Variants in MEGF6 observed in about 807,000 individuals in gnomAD.
The protein encoded by MEGF6 is multiple epidermal growth factor-like domains protein 6.
Under a neutral mutation model 207.1 loss-of-function variants are expected in MEGF6, and 184 were observed. That is an observed-to-expected ratio of 0.89 (90% CI 0.79 to 1.00). The LOEUF is 1.00. Ranked by LOEUF, MEGF6 falls within the 50% of genes least tolerant of loss-of-function variation. The pLI is 0.00. For synonymous variants in MEGF6, 1,038 were observed against 910.0 expected (o/e 1.14, Z -2.53); for missense variants, 2,282 against 2,202.9 (o/e 1.04, Z -0.72).
At chr1:3,503,203 G>A (rs572593406) in intron 17 of MEGF6, among the ~76,000 whole-genome samples, 1 of 152,290 alleles carries the variant, frequency 6.6e-6, no homozygotes, top group East Asian at 1.9e-4. Flanking sequence ...CCCGCCCATA[G>A]GGACACAGGC....
chr1:3,609,846 G>A lies in MEGF6; in HGVS notation c.131+1292C>T, dbSNP rs117343230. On this transcript the variant is annotated intron_variant, in intron 1 of 36. Coordinates refer to ENST00000356575, the MANE Select transcript of MEGF6 (RefSeq NM_001409.4). ...TTTCCACAGTGCACTGGTGGCAGAG[G>A]CCCCTCGCAAGAGCAGGGACATCCG... 1.8e-4 allele frequency among the ~76,000 whole-genome samples: 28 copies of A among 152,306 alleles called. No homozygotes were observed. In the East Asian group the frequency reaches 4.8e-3, roughly 26 times the overall value.
intron 4 of MEGF6, chr1:3,531,011 G>T (rs777593769): frequency 6.0e-5 from 85 of 1,419,382 alleles, no homozygotes; most frequent in Non-Finnish European, 7.1e-5. Flanking sequence ...TTAAAAACAG[G>T]AAACAAAGGG....
intron 4 of MEGF6, among the ~76,000 whole-genome samples, chr1:3,537,823 C>A (rs1247584602): frequency 6.6e-6 from 1 of 152,198 alleles, no homozygotes; most frequent in Non-Finnish European, 1.5e-5. Flanking sequence ...GTGTCCCCCG[C>A]AAAAGTGCTG....
rs762307115 is a variant in MEGF6 at position 3,501,825 on chromosome 1, G to C, written c.2285C>G (p.Pro762Arg). ...HGVTGQCRCP[P>R]GRTGEDCEAD... ...CTCACAGTCTTCCCCAGTCCTCCCC[G>C]GCGGACACCGGCACTGCCCCGTGAC... Residue 762 changes from proline to arginine, a missense_variant, in exon 18 of 37, where the codon CCG becomes CGG. Coordinates refer to ENST00000356575, the MANE Select transcript of MEGF6 (RefSeq NM_001409.4). The C allele has an allele frequency of 6.2e-7, 1 of 1,608,802 alleles. No individual in the cohort carries two copies. Among genetic ancestry groups the C allele is most frequent in the South Asian group, 1.1e-5 (1 of 90,694 alleles).
chr1:3,497,891 G>A (rs1640679127), intron 26 of MEGF6, among the ~76,000 whole-genome samples: 1 of 152,204 alleles, frequency 6.6e-6, no homozygotes, highest in African/African-American at 2.4e-5. Context: ...TTGGGTGGGA[G>A]GCCGGGGCTT....
chr1:3,508,827 T>C, intron 12 of MEGF6, 138 bp from the exon 13 acceptor site: 10 of 1,178,070 alleles, frequency 8.5e-6, no homozygotes, highest in Non-Finnish European at 1.2e-5. Context: ...AAGGGTGACA[T>C]GGGGACAGAT....
At chr1:3,529,841 C>T (rs1462396632) in intron 4 of MEGF6, among the ~76,000 whole-genome samples, 2 of 152,342 alleles carry the variant, frequency 1.3e-5, no homozygotes, top group African/African-American at 4.8e-5. Flanking sequence ...CCTTCCGAAG[C>T]CCACCTGGAC....
chr1:3,597,995 G>A (rs1205153440), intron 2 of MEGF6, among the ~76,000 whole-genome samples: 1 of 152,262 alleles, frequency 6.6e-6, no homozygotes, highest in Non-Finnish European at 1.5e-5. Context: ...GAGGCAGAGA[G>A]GGACAGAGGC....
chr1:3,506,174 G>C lies in MEGF6; in HGVS notation c.1852C>G (p.Arg618Gly), dbSNP rs376836996. Residue 618 changes from arginine to glycine, a missense_variant, in exon 15 of 37, where the codon CGG (arginine) becomes GGG (glycine). Transcript: ENST00000356575. ...CAGGCCCCGTAGAGGCGGTGGCACCGGCCCCGGTTGGCACAGTTGCATTTC... is the reference window on the plus strand; with the variant it reads ...CAGGCCCCGTAGAGGCGGTGGCACCCGCCCCGGTTGGCACAGTTGCATTTC... Reference protein sequence around the residue: ...RKKCNCANRGRCHRLYGACLC... With the variant: ...RKKCNCANRGGCHRLYGACLC... 2.5e-6 allele frequency: 4 copies of C among 1,594,870 alleles called. No individual in the cohort carries two copies. The highest frequency in any genetic ancestry group is 1.3e-5 in the African/African-American group (1 of 74,712).
At chr1:3,529,053 T>C (rs545665361) in intron 4 of MEGF6, among the ~76,000 whole-genome samples, 1 of 152,230 alleles carries the variant, frequency 6.6e-6, no homozygotes, top group African/African-American at 2.4e-5. Flanking sequence ...CTCCTGTGCC[T>C]CTGTGGGGCT....
intron 4 of MEGF6, among the ~76,000 whole-genome samples, chr1:3,554,193 C>T (rs1432855077): frequency 6.6e-6 from 1 of 152,154 alleles, no homozygotes; most frequent in Non-Finnish European, 1.5e-5. Flanking sequence ...CTGCTGCATG[C>T]CGTGGGCAGG....
chr1:3,545,245 G>T lies in MEGF6; in HGVS notation c.482-20999C>A, dbSNP rs534289517. ...TCTTCCCCAGGGTTGAGGTGAAATC[G>T]GTTCAGCACAGGCCCCCCAGAATGC... On this transcript the variant is annotated intron_variant, in intron 4 of 36. Transcript: ENST00000356575. Among the ~76,000 whole-genome samples, 60 of 152,214 alleles carry T rather than the reference G, an allele frequency of 3.9e-4. 1 individual carries two copies. The highest frequency in any genetic ancestry group is 1.9e-4 in the Non-Finnish European group (13 of 67,974).
chr1:3,541,157 T>C (rs2101505799), intron 4 of MEGF6, among the ~76,000 whole-genome samples: 1 of 152,334 alleles, frequency 6.6e-6, no homozygotes, highest in East Asian at 1.9e-4. Flanking sequence ...TCCTGCGCCC[T>C]CTGGGCCTCT....
At chr1:3,538,106 C>G (rs1642388533) in intron 4 of MEGF6, among the ~76,000 whole-genome samples, 1 of 152,200 alleles carries the variant, frequency 6.6e-6, no homozygotes, top group African/African-American at 2.4e-5. Flanking sequence ...CAAAGCCATC[C>G]CATGCCACCC....
chr1:3,527,303 C>T (rs1170430029), intron 4 of MEGF6, among the ~76,000 whole-genome samples: 1 of 152,264 alleles, frequency 6.6e-6, no homozygotes, highest in Non-Finnish European at 1.5e-5. Context: ...ACCCACCAGG[C>T]TGTGCCTGCC....
In MEGF6 at chr1:3,565,799, A is replaced by C. The variant is rs901721626; in HGVS notation, c.481+14026T>G. On this transcript the variant is annotated intron_variant, in intron 4 of 36. Transcript: ENST00000356575. The surrounding 1 kb of genome is among the most constrained non-coding windows in gnomAD (Gnocchi z 4.8). Reference sequence around the variant, plus strand: ...ACCAAGAACAGAAGTGCGTGTGGACATCCAGGTGCCTTCCAACTCTGCTCC... The same window carrying C: ...ACCAAGAACAGAAGTGCGTGTGGACCTCCAGGTGCCTTCCAACTCTGCTCC... Among the ~76,000 whole-genome samples, 2 of 152,142 alleles carry C rather than the reference A, an allele frequency of 1.3e-5. No individual in the cohort carries two copies. Among genetic ancestry groups the C allele is most frequent in the African/African-American group, 4.8e-5 (2 of 41,426 alleles).
At chr1:3,516,900 G>A (rs1360872380) in intron 5 of MEGF6, among the ~76,000 whole-genome samples, 1 of 152,192 alleles carries the variant, frequency 6.6e-6, no homozygotes, top group Non-Finnish European at 1.5e-5. Flanking sequence ...GCACGTGCAG[G>A]CTGTGGGGAA....
chr1:3,493,775 G>A lies in MEGF6; in HGVS notation c.4383C>T (p.Asn1461=), dbSNP rs756647012. 46 of 1,612,028 alleles carry A rather than the reference G, an allele frequency of 2.9e-5. No homozygotes were observed. The highest frequency in any genetic ancestry group is 1.6e-4 in the Middle Eastern group (1 of 6,078). ...TGGGCAGGACCCCAGACTCACCCAG[G>A]TTACAGGTGGCTCCTGAGCGCCCTG... The part of the protein sequence containing the change: ...CPPGRSGATC[N]LDCRRGQFGP... Residue 1461 remains asparagine (N), a synonymous_variant, in exon 34 of 37, where the codon AAC becomes AAT. Transcript: ENST00000356575.
At chr1:3,621,373 G>A in the MEGF6 span, among the ~76,000 whole-genome samples, 1 of 152,202 alleles carries the variant, frequency 6.6e-6, no homozygotes, top group Non-Finnish European at 1.5e-5. Context: ...CAGAAGGCTC[G>A]CACTTGTCTT....
Sources: allele counts gnomAD v4.1 joint callset (sites outside exome capture counted in the v4.1 genomes callset), GRCh38; gene constraint gnomAD v4.1.1; non-coding constraint Gnocchi (gnomAD v3.1); transcripts MANE v1.5; gene names NCBI Gene and HGNC (gene_info 2026-07-23, HGNC 2026-07-21).